CADPS2: variants seen among roughly 807,000 people sequenced by gnomAD.
The protein encoded by CADPS2 is calcium-dependent secretion activator 2.
In CADPS2, 93 loss-of-function variants were observed where a neutral mutation model predicts 172.5. The ratio of observed to expected loss-of-function variants is 0.54; its 90% CI spans 0.46 to 0.64. CADPS2 has a LOEUF of 0.64. Among genes scored for constraint, CADPS2 ranks in the 30% least tolerant of loss-of-function variants. CADPS2 has a pLI of 0.00. For synonymous variants in CADPS2, 546 were observed against 555.2 expected (o/e 0.98, Z 0.23); for missense variants, 1,420 against 1,565.9 (o/e 0.91, Z 1.57).
chr7:122,741,431 A>G (rs1010402557), intron 1 of CADPS2, among the ~76,000 whole-genome samples: 7 of 152,206 alleles, frequency 4.6e-5, no homozygotes, highest in Admixed American at 1.3e-4. Context: ...AAAATAAGCT[A>G]TAACAGCAGC....
intron 11 of CADPS2, among the ~76,000 whole-genome samples, chr7:122,487,302 C>T (rs575459916): frequency 2.0e-5 from 3 of 152,114 alleles, no homozygotes; most frequent in East Asian, 1.9e-4. Flanking sequence ...TGAGCCACTG[C>T]GCCGGCCAAA....
chr7:122,627,900 A>G (rs2076231510), intron 4 of CADPS2, among the ~76,000 whole-genome samples: 1 of 152,172 alleles, frequency 6.6e-6, no homozygotes, highest in Admixed American at 6.6e-5. Flanking sequence ...AATAGCCTCA[A>G]GTTGCTTGCT....
chr7:122,634,822 C>T (rs183351737), intron 3 of CADPS2, among the ~76,000 whole-genome samples: 102 of 152,154 alleles, frequency 6.7e-4, no homozygotes, highest in African/African-American at 2.1e-3. Context: ...ACTGCTTTAG[C>T]GGCATCCCAA....
In CADPS2 at chr7:122,513,234, GA is replaced by G; in HGVS notation, c.1542+14del. 1.3e-6 allele frequency: 2 copies of G among 1,541,508 alleles called. No individual in the cohort carries two copies. The highest frequency in any genetic ancestry group is 1.8e-6 in the Non-Finnish European group (2 of 1,136,082). On this transcript the variant is annotated intron_variant, in intron 9 of 29. Coordinates refer to ENST00000449022, the MANE Select transcript of CADPS2 (RefSeq NM_017954.11). ...CTATCTTAGAGTGATTATTTAACAG[GA>G]AAAAATGACTAACCTGAACTAGAAC...
intron 1 of CADPS2, among the ~76,000 whole-genome samples, chr7:122,818,876 G>C (rs879213040): frequency 6.6e-6 from 1 of 152,070 alleles, no homozygotes; most frequent in East Asian, 1.9e-4. Flanking sequence ...GACTTGTTTG[G>C]CAGCAACCCT....
At chr7:122,557,762 C>T (rs2065213204) in intron 7 of CADPS2, among the ~76,000 whole-genome samples, 1 of 152,168 alleles carries the variant, frequency 6.6e-6, no homozygotes, top group South Asian at 2.1e-4. Context: ...CACCGGCTGG[C>T]TATTTGCCAC....
chr7:122,556,314 A>G (rs559670466), intron 7 of CADPS2, among the ~76,000 whole-genome samples: 46 of 152,284 alleles, frequency 3.0e-4, no homozygotes, highest in Non-Finnish European at 5.3e-4. Context: ...AAAGACTAAG[A>G]TAGATCTCTA....
intron 2 of CADPS2, among the ~76,000 whole-genome samples, chr7:122,680,231 A>C (rs1430405347): frequency 6.6e-6 from 1 of 152,246 alleles, no homozygotes; most frequent in African/African-American, 2.4e-5. Context: ...CCATTTCTTT[A>C]CCTATCAAAT....
intron 6 of CADPS2, among the ~76,000 whole-genome samples, chr7:122,582,026 T>A (rs1012818703): frequency 2.0e-5 from 3 of 152,092 alleles, no homozygotes; most frequent in African/African-American, 7.2e-5. Flanking sequence ...ACACCTGATA[T>A]TAAAAAATCT....
intron 1 of CADPS2, among the ~76,000 whole-genome samples, chr7:122,791,798 A>G (rs1795345533): frequency 6.6e-6 from 1 of 152,228 alleles, no homozygotes; most frequent in Non-Finnish European, 1.5e-5. Flanking sequence ...TACCAATAAA[A>G]AAGGTTGACT....
At chr7:122,880,699 C>A (rs1308418390) in intron 1 of CADPS2, among the ~76,000 whole-genome samples, 1 of 152,150 alleles carries the variant, frequency 6.6e-6, no homozygotes, top group Admixed American at 6.5e-5. Flanking sequence ...GTTTTTAAAG[C>A]TCTCCAGGTG....
intron 2 of CADPS2, chr7:122,702,173 T>C (rs766335173): frequency 1.7e-5 from 27 of 1,613,764 alleles, no homozygotes; most frequent in Non-Finnish European, 2.3e-5. Flanking sequence ...GGTAAATAGA[T>C]ACATGATGTA....
intron 7 of CADPS2, among the ~76,000 whole-genome samples, chr7:122,571,670 T>C (rs2067275335): frequency 6.6e-6 from 1 of 152,196 alleles, no homozygotes; most frequent in Non-Finnish European, 1.5e-5. Context: ...TTATGTGAAT[T>C]AGCCCTGGAC....
chr7:122,594,592 T>G (rs920149043), intron 6 of CADPS2, among the ~76,000 whole-genome samples: 3 of 151,998 alleles, frequency 2.0e-5, no homozygotes, highest in Admixed American at 1.3e-4. Flanking sequence ...AAAATCATAT[T>G]ACACTTGTAT....
chr7:122,863,047 T>A (rs954800906), intron 1 of CADPS2, among the ~76,000 whole-genome samples: 1 of 152,146 alleles, frequency 6.6e-6, no homozygotes, highest in Non-Finnish European at 1.5e-5. Context: ...CATATAGCCT[T>A]AAAATCAAGA....
intron 14 of CADPS2, among the ~76,000 whole-genome samples, chr7:122,457,220 C>T (rs1376360003): frequency 6.6e-6 from 1 of 152,110 alleles, no homozygotes; most frequent in Non-Finnish European, 1.5e-5. Context: ...TAGAATCAGG[C>T]ATTTGAGCAG....
Position 122,869,992 on chromosome 7 carries a change from G to C in CADPS2, c.339+16007C>G, listed in dbSNP as rs965084071. 2.6e-5 allele frequency among the ~76,000 whole-genome samples: 4 copies of C among 152,070 alleles called. No individual in the cohort carries two copies. The East Asian group carries it at 7.7e-4, about 29-fold the overall frequency. On this transcript the variant is annotated intron_variant, in intron 1 of 29. Coordinates refer to ENST00000449022, the MANE Select transcript of CADPS2 (RefSeq NM_017954.11). ...AAGAAAGCATTCAAAGCATACCATAGAGAAATCCTCAAACCACAAAGGAAC... is the reference window on the plus strand; with the variant it reads ...AAGAAAGCATTCAAAGCATACCATACAGAAATCCTCAAACCACAAAGGAAC...
At chr7:122,358,176 G>T (rs2039665543) in intron 27 of CADPS2, among the ~76,000 whole-genome samples, 1 of 152,132 alleles carries the variant, frequency 6.6e-6, no homozygotes, top group Admixed American at 6.6e-5. Flanking sequence ...ATTCTAACAA[G>T]TACATAGTGG....
At chr7:122,805,252 A>G (rs892945499) in intron 1 of CADPS2, among the ~76,000 whole-genome samples, 2 of 152,082 alleles carry the variant, frequency 1.3e-5, no homozygotes, top group African/African-American at 4.8e-5. Context: ...CTCTGCCTCC[A>G]GGGTTCAAGT....
Sources: allele counts gnomAD v4.1 joint callset (sites outside exome capture counted in the v4.1 genomes callset), GRCh38; gene constraint gnomAD v4.1.1; transcripts MANE v1.5; gene names NCBI Gene and HGNC (gene_info 2026-07-23, HGNC 2026-07-21).